UGT1A9: variants seen among roughly 807,000 people sequenced by gnomAD.
UGT1A9 encodes UDP-glucuronosyltransferase 1A9.
UGT1A9 carries 35 observed loss-of-function variants against 45.0 expected under a neutral mutation model. The ratio of observed to expected loss-of-function variants is 0.78; its 90% CI spans 0.59 to 1.03. The LOEUF is 1.03. Ranked by LOEUF, UGT1A9 falls within the 50% of genes least tolerant of loss-of-function variation. The pLI is 0.00. For synonymous variants in UGT1A9, 278 were observed against 250.6 expected, an observed-to-expected ratio of 1.11 and a Z score of -1.03; for missense variants, 687 against 666.6, an observed-to-expected ratio of 1.03 and a Z score of -0.34.
intron 1 of UGT1A9, among the ~76,000 whole-genome samples, chr2:233,730,279 A>G (rs1016900889): frequency 6.6e-6 from 1 of 152,176 alleles, no homozygotes; most frequent in Non-Finnish European, 1.5e-5. Flanking sequence ...TAAAGGCACC[A>G]TCTTCATGGT....
intron 1 of UGT1A9, among the ~76,000 whole-genome samples, chr2:233,687,728 C>A (rs985451430): frequency 6.6e-5 from 10 of 151,756 alleles, no homozygotes; most frequent in Non-Finnish European, 8.8e-5. Context: ...CATAGGGAGA[C>A]ACTGTCTCTA....
chr2:233,674,843 A>G (rs1323786544), intron 1 of UGT1A9, among the ~76,000 whole-genome samples: 2 of 152,208 alleles, frequency 1.3e-5, no homozygotes, highest in African/African-American at 4.8e-5. Flanking sequence ...ATATGGCCCA[A>G]CCACAGAAGT....
intron 2 of UGT1A9, 98 bp downstream of exon 2, chr2:233,767,263 G>C (rs1020187729): frequency 6.3e-7 from 1 of 1,589,094 alleles, no homozygotes; most frequent in African/African-American, 1.4e-5. Flanking sequence ...TGGAACCTTA[G>C]ATTTGGCTTT....
intron 1 of UGT1A9, among the ~76,000 whole-genome samples, chr2:233,751,389 A>G (rs557117107): frequency 6.6e-6 from 1 of 152,256 alleles, no homozygotes; most frequent in Admixed American, 6.5e-5. Context: ...CTTGTCTCAG[A>G]TAAGACTTTG....
At chr2:233,731,607 C>T (rs1360371440) in intron 1 of UGT1A9, among the ~76,000 whole-genome samples, 1 of 152,190 alleles carries the variant, frequency 6.6e-6, no homozygotes, top group Non-Finnish European at 1.5e-5. Context: ...CTGCAAAGGA[C>T]ATGAACTCAT....
At position 233,698,386 on chromosome 2, in the gene UGT1A9, G is replaced by A. The variant is rs13393191; in HGVS notation, c.855+25597G>A. 5.5e-3 allele frequency among the ~76,000 whole-genome samples: 842 copies of A among 152,250 alleles called. 7 individuals are homozygous for A. Among genetic ancestry groups the A allele is most frequent in the African/African-American group, 0.019 (800 of 41,544 alleles). On this transcript the variant is annotated intron_variant, in intron 1 of 4. Coordinates refer to ENST00000354728, the MANE Select transcript of UGT1A9 (RefSeq NM_021027.3). ...ATGCCATGAAATTGTTCACTTTAGC[G>A]TGGTGAATTTTATGTGACTTCATCG...
chr2:233,724,299 A>C (rs1357747984), intron 1 of UGT1A9, among the ~76,000 whole-genome samples: 1 of 112,984 alleles, frequency 8.9e-6, no homozygotes, highest in Non-Finnish European at 1.8e-5. Flanking sequence ...TGACCCCCCC[A>C]CCTCCCTCCC....
At chr2:233,753,865 C>G (rs560460253) in intron 1 of UGT1A9, among the ~76,000 whole-genome samples, 1 of 152,212 alleles carries the variant, frequency 6.6e-6, no homozygotes. Context: ...CACATAACCC[C>G]AAGGTCTGTC....
At chr2:233,745,642 G>A (rs1693169772) in intron 1 of UGT1A9, among the ~76,000 whole-genome samples, 2 of 151,344 alleles carry the variant, frequency 1.3e-5, no homozygotes, top group Admixed American at 1.3e-4. Context: ...GCTGGCCGAG[G>A]GTAGAGTTCA....
intron 1 of UGT1A9, chr2:233,708,512 G>A (rs1388620371): frequency 6.6e-6 from 1 of 152,176 alleles, no homozygotes; most frequent in African/African-American, 2.4e-5. Flanking sequence ...AGCACTTTGC[G>A]GGGCCGAAGC....
intron 1 of UGT1A9, among the ~76,000 whole-genome samples, chr2:233,702,777 G>C (rs745755769): frequency 6.6e-6 from 1 of 152,158 alleles, no homozygotes; most frequent in Non-Finnish European, 1.5e-5. Context: ...TGATTTGCAG[G>C]TGTAAACGAA....
At chr2:233,699,906 G>A (rs1227572101) in intron 1 of UGT1A9, among the ~76,000 whole-genome samples, 2 of 152,172 alleles carry the variant, frequency 1.3e-5, no homozygotes, top group African/African-American at 4.8e-5. Context: ...ATAGTCAGTA[G>A]GATATACGTA....
chr2:233,760,811 T>G (rs72551341), intron 1 of UGT1A9: 1 of 1,613,198 alleles, frequency 6.2e-7, no homozygotes, highest in South Asian at 1.1e-5. Context: ...TTGCATGCAC[T>G]GCCATGCAGC....
chr2:233,767,452 A>G (rs1559414101), intron 2 of UGT1A9, among the ~76,000 whole-genome samples: 1 of 152,230 alleles, frequency 6.6e-6, no homozygotes, highest in Non-Finnish European at 1.5e-5. Context: ...AATAAAATAA[A>G]TGGGATATTG....
Position 233,719,132 on chromosome 2 carries a change from A to G in UGT1A9, c.855+46343A>G, listed in dbSNP as rs373602050. The G allele has an allele frequency of 5.0e-6, 8 of 1,614,122 alleles. No individual in the cohort carries two copies. The African/African-American group carries it at 6.7e-5, about 13-fold the overall frequency. On this transcript the variant is annotated intron_variant, in intron 1 of 4. Transcript: ENST00000354728. Reference sequence around the variant, plus strand: ...ACACTCAAGGGTTCTTTGAAACAGAACATCTTCTGAAGAGATATTCTAGAA... The same window carrying G: ...ACACTCAAGGGTTCTTTGAAACAGAGCATCTTCTGAAGAGATATTCTAGAA...
At chr2:233,718,557 G>A (rs1043661676) in intron 1 of UGT1A9, among the ~76,000 whole-genome samples, 1 of 152,220 alleles carries the variant, frequency 6.6e-6, no homozygotes, top group Non-Finnish European at 1.5e-5. Context: ...AGAAAGAAGA[G>A]CTTGAACTTG....
chr2:233,700,834 T>C (rs1000855869), intron 1 of UGT1A9, among the ~76,000 whole-genome samples: 1 of 152,120 alleles, frequency 6.6e-6, no homozygotes, highest in Admixed American at 6.5e-5. Flanking sequence ...AACTCGTCAT[T>C]TAGCATTAGG....
chr2:233,740,000 CTAAG>C (rs1449995031), intron 1 of UGT1A9, among the ~76,000 whole-genome samples: 3 of 151,814 alleles, frequency 2.0e-5, no homozygotes, highest in Non-Finnish European at 4.4e-5. Context: ...TCTTGTCATA[CTAAG>C]TGAGTTCTCA....
chr2:233,737,584 A>G (rs552596961), intron 1 of UGT1A9, among the ~76,000 whole-genome samples: 5 of 152,256 alleles, frequency 3.3e-5, no homozygotes, highest in South Asian at 4.2e-4. Context: ...ACCAGTCCCA[A>G]TGAGATGAAC....
Sources: gnomAD v4.1 joint callset for allele counts (sites outside exome capture counted in the v4.1 genomes callset) on GRCh38, gnomAD v4.1.1 for gene constraint, MANE v1.5 for transcripts, NCBI Gene and HGNC (gene_info 2026-07-23, HGNC 2026-07-21) for gene names.